The following ERC2 variants were observed in gnomAD, a reference collection of about 807,000 sequenced individuals.
The protein encoded by ERC2 is ELKS/RAB6-interacting/CAST family member 2.
ERC2 carries 42 observed loss-of-function variants against 114.8 expected under a neutral mutation model. That is an observed-to-expected ratio of 0.37 (90% CI 0.29 to 0.47). The LOEUF is 0.47. ERC2 is among the 20% of genes least tolerant of loss of function. ERC2 has a pLI of 0.99. For missense variants in ERC2, 939 were observed against 1,150.7 expected, an observed-to-expected ratio of 0.82 and a Z score of 2.66; for synonymous variants, 454 against 425.5, an observed-to-expected ratio of 1.07 and a Z score of -0.82.
intron 3 of ERC2, among the ~76,000 whole-genome samples, chr3:56,190,872 C>A (rs2083950303): frequency 6.6e-6 from 1 of 152,126 alleles, no homozygotes; most frequent in South Asian, 2.1e-4. Context: ...CTGCACCCAG[C>A]CAAGTGTTAG....
chr3:55,677,749 G>A (rs1185936563), intron 17 of ERC2, among the ~76,000 whole-genome samples: 1 of 152,158 alleles, frequency 6.6e-6, no homozygotes, highest in Non-Finnish European at 1.5e-5. Flanking sequence ...CCCTCTATCT[G>A]CTGAGGAACA....
At chr3:55,639,962 A>T (rs1243169896) in intron 17 of ERC2, among the ~76,000 whole-genome samples, 2 of 152,130 alleles carry the variant, frequency 1.3e-5, no homozygotes, top group African/African-American at 4.8e-5. Context: ...TCTAATAAGA[A>T]GGAGGCAGAT....
At chr3:56,412,559 T>C (rs2060982281) in intron 2 of ERC2, among the ~76,000 whole-genome samples, 1 of 152,196 alleles carries the variant, frequency 6.6e-6, no homozygotes, top group Non-Finnish European at 1.5e-5. Flanking sequence ...TTCGGACATC[T>C]GGACTAGCCC....
At chr3:55,929,542 G>T (rs2065946863) in intron 13 of ERC2, among the ~76,000 whole-genome samples, 1 of 152,164 alleles carries the variant, frequency 6.6e-6, no homozygotes, top group Admixed American at 6.5e-5. Context: ...AATAAGGAAA[G>T]AAAAAAGTGG....
At chr3:55,700,052 T>C (rs569455650) in intron 15 of ERC2, among the ~76,000 whole-genome samples, 1 of 152,334 alleles carries the variant, frequency 6.6e-6, no homozygotes, top group Non-Finnish European at 1.5e-5. Context: ...TCTTGGGAAA[T>C]GGCTCTCTAC....
intron 3 of ERC2, among the ~76,000 whole-genome samples, chr3:56,207,309 C>A (rs2048800184): frequency 6.6e-6 from 1 of 151,882 alleles, no homozygotes; most frequent in African/African-American, 2.4e-5. Context: ...TAGTTTAGGG[C>A]AAAAAGTAAT....
intron 2 of ERC2, among the ~76,000 whole-genome samples, chr3:56,353,920 T>C (rs2058647799): frequency 6.6e-6 from 1 of 151,924 alleles, no homozygotes; most frequent in Admixed American, 6.6e-5. Flanking sequence ...ATCCTTATAA[T>C]GATAATAAAT....
chr3:55,854,924 C>G (rs2061726881), intron 14 of ERC2, among the ~76,000 whole-genome samples: 2 of 152,124 alleles, frequency 1.3e-5, no homozygotes, highest in African/African-American at 2.4e-5. Flanking sequence ...GGAAGCTCAG[C>G]TGTAAATAGA....
chr3:56,339,662 T>TCTCTCC (rs2058009129), intron 2 of ERC2, among the ~76,000 whole-genome samples: 1 of 152,180 alleles, frequency 6.6e-6, no homozygotes, highest in Non-Finnish European at 1.5e-5. Flanking sequence ...CATGTCTCTC[T>TCTCTCC]CTCTCCCTCT....
At chr3:55,517,350 A>G (rs1454251147) in intron 17 of ERC2, among the ~76,000 whole-genome samples, 2 of 149,046 alleles carry the variant, frequency 1.3e-5, no homozygotes, top group East Asian at 4.1e-4. Context: ...CTGTGGCAGG[A>G]GAATCGCTTG....
At chr3:55,703,193 C>A (rs1221531782) in intron 15 of ERC2, among the ~76,000 whole-genome samples, 1 of 152,184 alleles carries the variant, frequency 6.6e-6, no homozygotes, top group East Asian at 1.9e-4. Flanking sequence ...CTGTTCCTCC[C>A]TGGATTCAAG....
At chr3:55,579,209 G>A (rs1250786231) in intron 17 of ERC2, among the ~76,000 whole-genome samples, 1 of 152,144 alleles carries the variant, frequency 6.6e-6, no homozygotes, top group East Asian at 1.9e-4. Context: ...CTTCTACAAT[G>A]TAAATTCTAC....
intron 17 of ERC2, among the ~76,000 whole-genome samples, chr3:55,549,031 A>G (rs2054960719): frequency 6.6e-6 from 1 of 152,218 alleles, no homozygotes; most frequent in African/African-American, 2.4e-5. Flanking sequence ...GTCAAACAAA[A>G]TGCATCTGTT....
intron 15 of ERC2, among the ~76,000 whole-genome samples, chr3:55,733,687 G>C (rs563575241): frequency 2.6e-5 from 4 of 152,266 alleles, no homozygotes; most frequent in Non-Finnish European, 5.9e-5. Context: ...GGGTAAAAGG[G>C]TTAGTCACAT....
chr3:55,914,827 A>C (rs554152713), intron 13 of ERC2, among the ~76,000 whole-genome samples: 1 of 152,334 alleles, frequency 6.6e-6, no homozygotes, highest in Admixed American at 6.5e-5. Context: ...ATGGAAGGTG[A>C]GGAGCTAGAG....
chr3:55,738,059 C>G (rs1289768462), intron 14 of ERC2, among the ~76,000 whole-genome samples: 1 of 152,106 alleles, frequency 6.6e-6, no homozygotes, highest in Non-Finnish European at 1.5e-5. Context: ...GGAAAATTGA[C>G]ACAAATATAC....
chr3:55,742,261 C>T (rs999443376), intron 14 of ERC2, among the ~76,000 whole-genome samples: 1 of 152,146 alleles, frequency 6.6e-6, no homozygotes. Flanking sequence ...TTATCACAGT[C>T]CATTTAAAAG....
intron 14 of ERC2, among the ~76,000 whole-genome samples, chr3:55,805,737 A>T (rs2059462470): frequency 2.6e-5 from 4 of 152,080 alleles, no homozygotes; most frequent in Admixed American, 2.6e-4. Flanking sequence ...AAAACCCTAA[A>T]ATAAATGGTC....
intron 2 of ERC2, among the ~76,000 whole-genome samples, chr3:56,318,897 G>C (rs2056994721): frequency 6.7e-6 from 1 of 149,606 alleles, no homozygotes; most frequent in South Asian, 2.1e-4. Flanking sequence ...TAGGAGTCAA[G>C]GCTTCAGTGA....
Sources: gnomAD v4.1 joint callset for allele counts (sites outside exome capture counted in the v4.1 genomes callset) on GRCh38, gnomAD v4.1.1 for gene constraint, MANE v1.5 for transcripts, NCBI Gene and HGNC (gene_info 2026-07-23, HGNC 2026-07-21) for gene names.